The following ZNF678 variants were observed in gnomAD, a reference collection of about 807,000 sequenced individuals.
ZNF678 encodes hypothetical protein MGC42493.
In ZNF678, 5 loss-of-function variants were observed where a neutral mutation model predicts 3.0. The observed-to-expected ratio is 1.69, with a 90% CI of 0.88 to 3.56. ZNF678 has a LOEUF of 3.56. Among genes scored for constraint, ZNF678 ranks in the 30% most tolerant of loss-of-function variants. The pLI, the probability that ZNF678 is intolerant of heterozygous loss-of-function variation, is 0.00. For synonymous variants in ZNF678, 218 were observed against 199.6 expected (o/e 1.09, Z -0.78); for missense variants, 593 against 605.0 (o/e 0.98, Z 0.21).
At chr1:227,607,846 T>TAA (rs1279272811) in intron 1 of ZNF678, among the ~76,000 whole-genome samples, 2 of 149,462 alleles carry the variant, frequency 1.3e-5, no homozygotes, top group African/African-American at 4.9e-5. Flanking sequence ...ATATAGCACA[T>TAA]ACGTTCATTC....
intron 1 of ZNF678, among the ~76,000 whole-genome samples, chr1:227,571,090 A>G (rs1656829111): frequency 6.6e-6 from 1 of 152,222 alleles, no homozygotes; most frequent in East Asian, 1.9e-4. Flanking sequence ...GCTGTATTAC[A>G]GGTTATTTAT....
chr1:227,566,656 T>A (rs1156827285), intron 1 of ZNF678, among the ~76,000 whole-genome samples: 2 of 152,234 alleles, frequency 1.3e-5, no homozygotes, highest in East Asian at 3.9e-4. Flanking sequence ...TAAAAAGATT[T>A]GTTCACTTAT....
chr1:227,564,478 T>C (rs1012502823), intron 1 of ZNF678, among the ~76,000 whole-genome samples: 1 of 152,256 alleles, frequency 6.6e-6, no homozygotes, highest in Non-Finnish European at 1.5e-5. Context: ...GCTTTTCCCC[T>C]GCATTTTCCA....
rs780241505 is a variant in ZNF678 at position 227,646,545 on chromosome 1, G to A, written c.-162G>A. On this transcript the variant is annotated splice_region_variant and 5_prime_UTR_variant, in exon 2 of 4. Coordinates refer to ENST00000343776, the MANE Select transcript of ZNF678 (RefSeq NM_001367909.1). ...CGTGTGTATTTTTCCCCCCCCCAGG[G>A]ACTACTGGCATTCAGTGATGTGGTC... The A allele has an allele frequency of 6.1e-5, 84 of 1,370,648 alleles. No homozygotes were observed. The highest frequency in any genetic ancestry group is 7.3e-5 in the Non-Finnish European group (75 of 1,023,630). The allele number at this position is 1,370,648 out of a possible 1,614,324, so 84.9% of individuals were successfully genotyped here. A position where few individuals can be genotyped will look rare whatever the true frequency, so the allele number is the denominator to read the frequency against.
intron 1 of ZNF678, among the ~76,000 whole-genome samples, chr1:227,610,612 G>A (rs1303649879): frequency 6.6e-6 from 1 of 152,070 alleles, no homozygotes; most frequent in Non-Finnish European, 1.5e-5. Context: ...CACAAGCTCT[G>A]GTGTTACTTC....
intron 1 of ZNF678, among the ~76,000 whole-genome samples, chr1:227,620,186 T>G (rs1209354343): frequency 2.6e-5 from 4 of 152,186 alleles, no homozygotes; most frequent in Non-Finnish European, 5.9e-5. Context: ...ATTTCCATAG[T>G]GAGAGCAAAC....
rs1659214071 is a variant in ZNF678 at position 227,655,425 on chromosome 1, T to G, written c.1175T>G (p.Leu392Arg). The change falls in exon 4 of 4, where the codon CTT (leucine) becomes CGT (arginine). Residue 392 changes from leucine to arginine, a missense_variant. By Grantham distance (102) the Leu-to-Arg change is moderately radical. Coordinates refer to ENST00000343776, the MANE Select transcript of ZNF678 (RefSeq NM_001367909.1). ...AAAGCGTTTAACAAGTTCTCAAGCCTTACTCAACATAGGAGAATTCATACT... is the reference window on the plus strand; with the variant it reads ...AAAGCGTTTAACAAGTTCTCAAGCCGTACTCAACATAGGAGAATTCATACT... ...CGKAFNKFSS[L>R]TQHRRIHTGV... 1 of 1,612,330 alleles carries G rather than the reference T, an allele frequency of 6.2e-7. No individual in the cohort carries two copies. The highest frequency in any genetic ancestry group is 8.5e-7 in the Non-Finnish European group (1 of 1,179,238).
At chr1:227,667,663 TATC>T (rs2102818913) in intron 5 of ZNF678, among the ~76,000 whole-genome samples, 1 of 152,342 alleles carries the variant, frequency 6.6e-6, no homozygotes, top group South Asian at 2.1e-4. Context: ...AACGATGACT[TATC>T]AGTTCTTGTT....
intron 5 of ZNF678, among the ~76,000 whole-genome samples, chr1:227,675,053 G>T (rs1571930385): frequency 6.6e-6 from 1 of 152,254 alleles, no homozygotes; most frequent in Non-Finnish European, 1.5e-5. Flanking sequence ...TTTGAACATT[G>T]CTATGGTCTG....
intron 1 of ZNF678, among the ~76,000 whole-genome samples, chr1:227,578,598 T>C (rs1176254564): frequency 6.6e-6 from 1 of 152,244 alleles, no homozygotes; most frequent in Non-Finnish European, 1.5e-5. Flanking sequence ...GTCACAGTTA[T>C]GTTCTTTTCT....
At chr1:227,625,083 A>G (rs1477674378) in intron 1 of ZNF678, among the ~76,000 whole-genome samples, 1 of 152,188 alleles carries the variant, frequency 6.6e-6, no homozygotes, top group East Asian at 1.9e-4. Context: ...CTCTCAGGCA[A>G]TAGATGATTG....
At chr1:227,670,896 G>A (rs1312352822) in intron 5 of ZNF678, among the ~76,000 whole-genome samples, 6 of 151,836 alleles carry the variant, frequency 4.0e-5, no homozygotes, top group African/African-American at 7.3e-5. Flanking sequence ...GGACTGGGAG[G>A]CCAACACAAA....
At chr1:227,644,348 A>G (rs1658903764) in intron 1 of ZNF678, among the ~76,000 whole-genome samples, 1 of 152,204 alleles carries the variant, frequency 6.6e-6, no homozygotes, top group East Asian at 1.9e-4. Flanking sequence ...CCGAGCACAT[A>G]GTACATGCTC....
intron 2 of ZNF678, 114 bp from the exon 3 acceptor site, chr1:227,650,842 G>GT (rs2102801490): frequency 1.4e-6 from 1 of 738,710 alleles, no homozygotes; most frequent in African/African-American, 1.8e-5. Flanking sequence ...TGATTTATTT[G>GT]TTATGGCTTT....
At position 227,657,437 on chromosome 1, in the gene ZNF678, T is replaced by C. The variant is rs1355182739; in HGVS notation, c.*1609T>C. The stretch of plus-strand genomic sequence containing the variant: ...AAATGGACTAACATCCCATAGGTTA[T>C]ATTTTTATTTTTTTCTTTTGTAAAT... On this transcript the variant is annotated 3_prime_UTR_variant, in exon 4 of 4. Transcript: ENST00000343776. The C allele has an allele frequency of 6.6e-6, 1 of 151,970 alleles. No homozygotes were observed. The highest frequency in any genetic ancestry group is 1.5e-5 in the Non-Finnish European group (1 of 67,904). 9.4% of individuals were successfully genotyped at this position (151,970 alleles called of 1,614,324 possible). A position where few individuals can be genotyped will look rare whatever the true frequency, so the allele number is the denominator to read the frequency against.
In ZNF678 at chr1:227,654,681, A is replaced by G. The variant is rs759152073; in HGVS notation, c.431A>G (p.Lys144Arg). ...FNRCSNLTKH[K>R]RIHTGEKPYK... ...CGATGTTCAAACCTAACAAAACATA[A>G]AAGAATTCATACTGGAGAGAAACCC... Residue 144 changes from lysine (K) to arginine (R), a missense_variant, in exon 4 of 4, where the codon AAA becomes AGA. By Grantham distance (26) the Lys-to-Arg change is conservative. Coordinates refer to ENST00000343776, the MANE Select transcript of ZNF678 (RefSeq NM_001367909.1). 8.7e-6 allele frequency: 14 copies of G among 1,613,262 alleles called. No homozygotes were observed. The highest frequency in any genetic ancestry group is 1.1e-5 in the Non-Finnish European group (13 of 1,179,544).
chr1:227,590,593 T>C (rs1036306226), intron 1 of ZNF678, among the ~76,000 whole-genome samples: 1 of 151,830 alleles, frequency 6.6e-6, no homozygotes, highest in Non-Finnish European at 1.5e-5. Context: ...ATGGCTATGC[T>C]TCTCTTTTCG....
chr1:227,675,499 C>G (rs764474910), intron 5 of ZNF678, among the ~76,000 whole-genome samples: 36 of 152,220 alleles, frequency 2.4e-4, no homozygotes, highest in Non-Finnish European at 4.6e-4. Flanking sequence ...CCAAAATGAA[C>G]TATTTCTAAA....
intron 2 of ZNF678, among the ~76,000 whole-genome samples, chr1:227,650,560 T>TG (rs1659065749): frequency 6.6e-6 from 1 of 152,152 alleles, no homozygotes; most frequent in African/African-American, 2.4e-5. Context: ...TTGAATCTAT[T>TG]GATTGCTTTG....
Sources: gnomAD v4.1 joint callset for allele counts (sites outside exome capture counted in the v4.1 genomes callset) on GRCh38, gnomAD v4.1.1 for gene constraint, MANE v1.5 for transcripts, NCBI Gene and HGNC (gene_info 2026-07-23, HGNC 2026-07-21) for gene names.